Variants in AP2A2 observed in about 807,000 individuals in gnomAD.
The protein encoded by AP2A2 is AP-2 complex subunit alpha-2.
Under a neutral mutation model 104.2 loss-of-function variants are expected in AP2A2, and 32 were observed. The ratio of observed to expected loss-of-function variants is 0.31; its 90% CI spans 0.23 to 0.41. The LOEUF (loss-of-function observed/expected upper bound fraction) is 0.41, where lower values mean the gene tolerates loss of function less well. Among genes scored for constraint, AP2A2 ranks in the 10% least tolerant of loss-of-function variants. AP2A2 has a pLI of 1.00. For missense variants in AP2A2, 912 were observed against 1,261.0 expected (o/e 0.72, Z 4.19); for synonymous variants, 539 against 533.3 (o/e 1.01, Z -0.15).
intron 20 of AP2A2, 135 bp downstream of exon 20, chr11:1,009,532 G>A (rs991074584): frequency 4.5e-6 from 6 of 1,325,678 alleles, no homozygotes; most frequent in East Asian, 2.6e-5. Flanking sequence ...CGGGGGACAC[G>A]CAGCCCGCGA....
In AP2A2 at chr11:988,457, T is replaced by C. The variant is rs1855536997; in HGVS notation, c.1132-95T>C. Reference sequence around the variant, plus strand: ...ATGTGCATGTGAGGGAAACTCAGAGTGGGTGTTGAGATGCGGGTGCCGAGC... The same window carrying C: ...ATGTGCATGTGAGGGAAACTCAGAGCGGGTGTTGAGATGCGGGTGCCGAGC... On this transcript the variant is annotated intron_variant, in intron 9 of 21. Transcript: ENST00000448903. 2.7e-6 allele frequency: 4 copies of C among 1,457,202 alleles called. No homozygotes were observed. In the Admixed American group the frequency reaches 5.3e-5, roughly 19 times the overall value. 90.3% of individuals were successfully genotyped at this position (1,457,202 alleles called of 1,614,324 possible). A position where few individuals can be genotyped will look rare whatever the true frequency, so the allele number is the denominator to read the frequency against.
chr11:960,819 G>A (rs748423287), intron 2 of AP2A2, among the ~76,000 whole-genome samples: 1 of 150,510 alleles, frequency 6.6e-6, no homozygotes, highest in Middle Eastern at 3.4e-3. Flanking sequence ...CACCCCACAC[G>A]GCTGGTTTTT....
chr11:926,435 C>T (rs1005139368), intron 1 of AP2A2, among the ~76,000 whole-genome samples: 3 of 151,874 alleles, frequency 2.0e-5, no homozygotes, highest in Admixed American at 2.0e-4. Flanking sequence ...GTTTAGGGCA[C>T]GGCCCTTCAT....
chr11:1,007,858 A>C, intron 17 of AP2A2, 154 bp from the exon 18 acceptor site: 1 of 1,015,814 alleles, frequency 9.8e-7, no homozygotes, highest in African/African-American at 1.6e-5. Context: ...GTGGAAGGGC[A>C]GGGCCGGGTG....
intron 6 of AP2A2, among the ~76,000 whole-genome samples, chr11:983,545 G>T (rs1003524811): frequency 6.6e-6 from 1 of 151,434 alleles, no homozygotes; most frequent in Non-Finnish European, 1.5e-5. Flanking sequence ...ACCATGCCTG[G>T]CTAATTTTTT....
chr11:939,780 T>C (rs1853582528), intron 1 of AP2A2, among the ~76,000 whole-genome samples: 1 of 151,966 alleles, frequency 6.6e-6, no homozygotes, highest in African/African-American at 2.4e-5. Flanking sequence ...GATGAGTCTT[T>C]TAACTCTTGC....
At chr11:971,638 A>G (rs1459129653) in intron 3 of AP2A2, among the ~76,000 whole-genome samples, 1 of 151,972 alleles carries the variant, frequency 6.6e-6, no homozygotes, top group Non-Finnish European at 1.5e-5. Context: ...AAAGAGTGGG[A>G]GGGAACAGGC....
intron 2 of AP2A2, among the ~76,000 whole-genome samples, chr11:965,497 G>A (rs1281781199): frequency 1.3e-5 from 2 of 152,226 alleles, no homozygotes; most frequent in African/African-American, 4.8e-5. Context: ...ACCATCTGAT[G>A]TGTGGCCTAA....
chr11:943,194 T>C (rs898234004), intron 1 of AP2A2: 1 of 152,186 alleles, frequency 6.6e-6, no homozygotes, highest in Non-Finnish European at 1.5e-5. Context: ...CCGGGAGCTT[T>C]GGCAAGAGTC....
At chr11:957,776 C>A (rs1395471423) in intron 1 of AP2A2, among the ~76,000 whole-genome samples, 2 of 152,252 alleles carry the variant, frequency 1.3e-5, no homozygotes, top group Non-Finnish European at 2.9e-5. Context: ...TCCCTCCTAG[C>A]TTCATCTGCT....
chr11:1,000,573 C>T lies in AP2A2; in HGVS notation c.2098C>T (p.Pro700Ser), dbSNP rs1424394476. 3 of 1,549,978 alleles carry T rather than the reference C, an allele frequency of 1.9e-6. No homozygotes were observed. Among genetic ancestry groups the T allele is most frequent in the South Asian group, 1.2e-5 (1 of 84,814 alleles). ...GGCCTCTGTGGTCGCGCCTCTCGCT[C>T]CTGGCTCCGAAGACAACTTTGCCAG... is the stretch of plus-strand genomic sequence containing the variant. ...DSASVVAPLA[P>S]GSEDNFARFV... Residue 700 changes from proline to serine, a missense_variant, in exon 15 of 22, where the codon CCT becomes TCT. This residue lies in a region of AP2A2 where 239 missense variants were observed against 329.8 expected (regional missense o/e 0.72). Transcript: ENST00000448903.
chr11:982,568 G>A (rs534495747), intron 6 of AP2A2, among the ~76,000 whole-genome samples: 1 of 151,480 alleles, frequency 6.6e-6, no homozygotes, highest in Admixed American at 6.6e-5. Flanking sequence ...CATTAAAGAA[G>A]TTCCTTTCTC....
rs768014251 is a variant in AP2A2, at chr11:1,011,042, G to A, written c.*417G>A. On this transcript the variant is annotated 3_prime_UTR_variant, in exon 22 of 22. Coordinates refer to ENST00000448903, the MANE Select transcript of AP2A2 (RefSeq NM_012305.4). The stretch of plus-strand genomic sequence containing the variant: ...TGCATGGCGTGGGCTGAGCCTTGGT[G>A]TGTGGCCGTCCTGGTGGCTGCACAC... 6.1e-6 allele frequency: 4 copies of A among 652,350 alleles called. No homozygotes were observed. Among genetic ancestry groups the A allele is most frequent in the Non-Finnish European group, 8.6e-6 (3 of 347,432 alleles). 40.4% of individuals were successfully genotyped at this position (652,350 alleles called of 1,614,324 possible).
intron 9 of AP2A2, among the ~76,000 whole-genome samples, chr11:987,205 T>G (rs1023715380): frequency 6.6e-6 from 1 of 152,250 alleles, no homozygotes; most frequent in Admixed American, 6.5e-5. Flanking sequence ...GCCCTTTCCC[T>G]GCTGGGGGCA....
chr11:958,335 C>T (rs550044800), intron 1 of AP2A2, among the ~76,000 whole-genome samples: 6 of 152,306 alleles, frequency 3.9e-5, no homozygotes, highest in Admixed American at 3.3e-4. Context: ...GTGTTTCAGC[C>T]GCCCCGTCTG....
chr11:952,113 T>C (rs944174246), intron 1 of AP2A2, among the ~76,000 whole-genome samples: 3 of 152,198 alleles, frequency 2.0e-5, no homozygotes, highest in African/African-American at 7.2e-5. Context: ...AAAACAGCCC[T>C]CCCACTTCAG....
In AP2A2 at chr11:1,011,141, C is replaced by A; in HGVS notation, c.*516C>A. The A allele has an allele frequency of 1.8e-6, 1 of 558,226 alleles. No individual in the cohort carries two copies. Among genetic ancestry groups the A allele is most frequent in the South Asian group, 1.4e-5 (1 of 71,860 alleles). 34.6% of individuals were successfully genotyped at this position (558,226 alleles called of 1,614,324 possible). On this transcript the variant is annotated 3_prime_UTR_variant, in exon 22 of 22. Coordinates refer to ENST00000448903, the MANE Select transcript of AP2A2 (RefSeq NM_012305.4). ...GCTGCAGTCCCAGCTGGACTGTTTT[C>A]CCAGGCAGGATTTTAATCTAGAATT...
Position 972,187 on chromosome 11 carries a change from C to T in AP2A2, c.405C>T (p.Ile135=), listed in dbSNP as rs372522058. ...PTFMGLALHC[I]ASVGSREMAE... ...TCATGGGCCTGGCCCTGCACTGCATCGCCAGCGTGGGCAGCCGGGAGATGG... is the reference window on the plus strand; with the variant it reads ...TCATGGGCCTGGCCCTGCACTGCATTGCCAGCGTGGGCAGCCGGGAGATGG... The change falls in exon 4 of 22, where the codon ATC becomes ATT. Residue 135 remains isoleucine (I), a synonymous_variant. Coordinates refer to ENST00000448903, the MANE Select transcript of AP2A2 (RefSeq NM_012305.4). 345 of 1,612,428 alleles carry T rather than the reference C, an allele frequency of 2.1e-4. No individual in the cohort carries two copies. The highest frequency in any genetic ancestry group is 2.7e-4 in the Non-Finnish European group (315 of 1,179,668).
chr11:934,317 G>T (rs557964975), intron 1 of AP2A2, among the ~76,000 whole-genome samples: 2 of 152,092 alleles, frequency 1.3e-5, no homozygotes, highest in South Asian at 2.1e-4. Context: ...TAGAGACAGG[G>T]TCTCACTATG....
Sources: allele counts gnomAD v4.1 joint callset (sites outside exome capture counted in the v4.1 genomes callset), GRCh38; gene constraint gnomAD v4.1.1; regional missense constraint gnomAD v4.1.1; transcripts MANE v1.5; gene names NCBI Gene and HGNC (gene_info 2026-07-23, HGNC 2026-07-21).